The following RAB11FIP2 variants were observed in gnomAD, a reference collection of about 807,000 sequenced individuals.
RAB11FIP2 encodes the protein rab11 family-interacting protein 2.
A neutral mutation model predicts 40.9 loss-of-function variants in RAB11FIP2; 16 were observed. The ratio of observed to expected loss-of-function variants is 0.39; its 90% CI spans 0.26 to 0.59. RAB11FIP2 has a LOEUF of 0.59. RAB11FIP2 is among the 20% of genes least tolerant of loss of function. The pLI is 0.53. For missense variants in RAB11FIP2, 532 were observed against 606.2 expected (o/e 0.88, Z 1.28); for synonymous variants, 228 against 213.7 (o/e 1.07, Z -0.58).
At chr10:118,014,536 G>T (rs1376883763) in intron 4 of RAB11FIP2, among the ~76,000 whole-genome samples, 1 of 152,078 alleles carries the variant, frequency 6.6e-6, no homozygotes, top group African/African-American at 2.4e-5. Flanking sequence ...TTAGGTGGTC[G>T]CTACCAATCC....
intron 3 of RAB11FIP2, among the ~76,000 whole-genome samples, chr10:118,022,811 T>C (rs1846296652): frequency 2.0e-5 from 3 of 152,164 alleles, no homozygotes; most frequent in African/African-American, 7.2e-5. Context: ...AAAAGTATGC[T>C]GAATACATTA....
intron 1 of RAB11FIP2, among the ~76,000 whole-genome samples, chr10:118,042,252 T>C (rs1280655871): frequency 1.3e-5 from 2 of 151,598 alleles, no homozygotes; most frequent in Admixed American, 1.3e-4. Context: ...TCAAAGCAAA[T>C]ATGAGTAAAA....
intron 1 of RAB11FIP2, among the ~76,000 whole-genome samples, chr10:118,040,865 T>TA (rs1564695410): frequency 6.6e-6 from 1 of 152,174 alleles, no homozygotes; most frequent in Non-Finnish European, 1.5e-5. Context: ...CAAAAATTCT[T>TA]ATCAATGCTA....
At chr10:118,033,459 G>T (rs1279016110) in intron 3 of RAB11FIP2, among the ~76,000 whole-genome samples, 2 of 152,070 alleles carry the variant, frequency 1.3e-5, no homozygotes, top group Non-Finnish European at 2.9e-5. Context: ...AATAAACATT[G>T]TATAGTAATT....
At chr10:118,012,611 T>C (rs1294664239) in intron 4 of RAB11FIP2, among the ~76,000 whole-genome samples, 1 of 151,854 alleles carries the variant, frequency 6.6e-6, no homozygotes, top group African/African-American at 2.4e-5. Flanking sequence ...AATTAAAACA[T>C]ATGCTCATTA....
At chr10:118,036,423 G>A (rs1406848068) in intron 3 of RAB11FIP2, among the ~76,000 whole-genome samples, 1 of 152,080 alleles carries the variant, frequency 6.6e-6, no homozygotes, top group Non-Finnish European at 1.5e-5. Context: ...AATTTAAAAT[G>A]TCCCAGATAG....
intron 3 of RAB11FIP2, among the ~76,000 whole-genome samples, chr10:118,026,996 T>C (rs181161641): frequency 6.6e-6 from 1 of 150,632 alleles, no homozygotes; most frequent in Non-Finnish European, 1.5e-5. Flanking sequence ...ATTTAAGTTT[T>C]TTTTTAAGTT....
chr10:118,021,556 C>T (rs933375932), intron 3 of RAB11FIP2, among the ~76,000 whole-genome samples: 2 of 152,190 alleles, frequency 1.3e-5, no homozygotes, highest in African/African-American at 4.8e-5. Flanking sequence ...AATCTCTAAA[C>T]CCTACCAAGT....
chr10:118,034,466 T>C (rs1201725986), intron 3 of RAB11FIP2, among the ~76,000 whole-genome samples: 1 of 152,168 alleles, frequency 6.6e-6, no homozygotes, highest in African/African-American at 2.4e-5. Context: ...TTACAATTTA[T>C]TATTTGTGAT....
In RAB11FIP2 at chr10:118,008,583, C is replaced by T. The variant is rs1846121885; in HGVS notation, c.*415G>A. 2 of 181,348 alleles carry T rather than the reference C, an allele frequency of 1.1e-5. No individual in the cohort carries two copies. The highest frequency in any genetic ancestry group is 1.1e-4 in the Admixed American group (2 of 18,610). The allele number at this position is 181,348 out of a possible 1,614,324, so 11.2% of individuals were successfully genotyped here. A position where few individuals can be genotyped will look rare whatever the true frequency, so the allele number is the denominator to read the frequency against. On this transcript the variant is annotated 3_prime_UTR_variant, in exon 5 of 5. Transcript: ENST00000355624. ...TTTTTTTAGTAGTGTTTATAACGAG[C>T]AGTATTCCTGAAGCTAAATATTTCT... is the stretch of plus-strand genomic sequence containing the variant.
At chr10:118,038,758 G>C (rs567672891) in intron 3 of RAB11FIP2, among the ~76,000 whole-genome samples, 170 of 152,182 alleles carry the variant, frequency 1.1e-3, no homozygotes, top group African/African-American at 4.0e-3. Flanking sequence ...GACCAGGATA[G>C]AGAATAAGAG....
At chr10:118,011,756 G>T (rs904273974) in intron 4 of RAB11FIP2, among the ~76,000 whole-genome samples, 19 of 151,950 alleles carry the variant, frequency 1.3e-4, no homozygotes, top group Non-Finnish European at 2.2e-4. Context: ...TAACTAATGT[G>T]ATTTCACTTT....
Position 118,038,854 on chromosome 10 carries a change from A to T in RAB11FIP2, c.1265+118T>A, listed in dbSNP as rs545332908. Reference sequence around the variant, plus strand: ...TCTATAATTTAATTATACAAATAAAAATGTTTTTCAAATAAAATAAAATGA... The same window carrying T: ...TCTATAATTTAATTATACAAATAAATATGTTTTTCAAATAAAATAAAATGA... On this transcript the variant is annotated intron_variant, in intron 3 of 4. Coordinates refer to ENST00000355624, the MANE Select transcript of RAB11FIP2 (RefSeq NM_014904.3). The T allele has an allele frequency of 2.6e-5, 19 of 743,462 alleles. No homozygotes were observed. The South Asian group carries it at 4.4e-4, about 17-fold the overall frequency. 46.1% of individuals were successfully genotyped at this position (743,462 alleles called of 1,614,324 possible).
intron 3 of RAB11FIP2, among the ~76,000 whole-genome samples, chr10:118,025,285 T>C (rs79977979): frequency 1.4e-3 from 211 of 152,316 alleles, no homozygotes; most frequent in African/African-American, 4.7e-3. Context: ...AAAATGTTTC[T>C]GCGTGAAGAA....
At position 118,029,916 on chromosome 10, in the gene RAB11FIP2, G is replaced by C. The variant is rs149551417; in HGVS notation, c.1265+9056C>G. Among the ~76,000 whole-genome samples the C allele has an allele frequency of 8.1e-4, 123 of 152,238 alleles. No individual in the cohort carries two copies. In the East Asian group the frequency reaches 0.022, roughly 27 times the overall value. On this transcript the variant is annotated intron_variant, in intron 3 of 4. Transcript: ENST00000355624. ...AAATCTCAGACTTGAAGGTAGCATA[G>C]GGGCATGACTGGAGGAACCTGGGCA...
intron 4 of RAB11FIP2, among the ~76,000 whole-genome samples, chr10:118,012,140 CA>C (rs1846163643): frequency 6.6e-6 from 1 of 151,746 alleles, no homozygotes; most frequent in South Asian, 2.1e-4. Flanking sequence ...TTTAATCTTT[CA>C]AAATAATCAA....
At chr10:118,029,702 A>T (rs1276076536) in intron 3 of RAB11FIP2, among the ~76,000 whole-genome samples, 1 of 152,146 alleles carries the variant, frequency 6.6e-6, no homozygotes, top group Non-Finnish European at 1.5e-5. Flanking sequence ...CTGAGACAGC[A>T]GGTAACAGAA....
intron 3 of RAB11FIP2, among the ~76,000 whole-genome samples, chr10:118,019,587 G>A (rs1336818123): frequency 1.3e-5 from 2 of 152,010 alleles, no homozygotes; most frequent in Non-Finnish European, 2.9e-5. Flanking sequence ...ACTTTGGGAG[G>A]CCGAGACAGG....
In RAB11FIP2 at chr10:118,021,780, G is replaced by A. The variant is rs150004852; in HGVS notation, c.1266-6670C>T. Among the ~76,000 whole-genome samples, 13 of 152,234 alleles carry A rather than the reference G, an allele frequency of 8.5e-5. No individual in the cohort carries two copies. The East Asian group carries it at 2.5e-3, about 29-fold the overall frequency. On this transcript the variant is annotated intron_variant, in intron 3 of 4. Coordinates refer to ENST00000355624, the MANE Select transcript of RAB11FIP2 (RefSeq NM_014904.3). ...CCTGCTATCTGGTAGCCTAACTTTT[G>A]TCCTATATTTCCAATCACTCCTTTT... is the stretch of plus-strand genomic sequence containing the variant.
Sources: allele counts gnomAD v4.1 joint callset (sites outside exome capture counted in the v4.1 genomes callset), GRCh38; gene constraint gnomAD v4.1.1; transcripts MANE v1.5; gene names NCBI Gene and HGNC (gene_info 2026-07-23, HGNC 2026-07-21).